Variants in RASGRP1 observed in about 807,000 individuals in gnomAD.
RASGRP1 encodes the protein RAS guanyl releasing protein 1, also known as RAS guanyl-releasing protein 1.
In RASGRP1, 37 loss-of-function variants were observed where a neutral mutation model predicts 95.1. The observed-to-expected ratio is 0.39, with a 90% CI of 0.30 to 0.51. The LOEUF (loss-of-function observed/expected upper bound fraction) is 0.51. Among genes scored for constraint, RASGRP1 ranks in the 20% least tolerant of loss-of-function variants. RASGRP1 has a pLI of 0.80. For synonymous variants in RASGRP1, 325 were observed against 353.4 expected (o/e 0.92, Z 0.90); for missense variants, 711 against 965.4 (o/e 0.74, Z 3.49).
rs1418457471 is a variant in RASGRP1 at position 38,518,447 on chromosome 15, A to G, written c.390-24T>C. 4 of 1,586,732 alleles carry G rather than the reference A, an allele frequency of 2.5e-6. No homozygotes were observed. The Admixed American group carries it at 5.4e-5, about 21-fold the overall frequency. ...ACCTACAAGGAGGGGGTTAAAAAAC[A>G]CAATCCAAAACTGATACCAAGGACT... On this transcript the variant is annotated intron_variant, in intron 4 of 16. Coordinates refer to ENST00000310803, the MANE Select transcript of RASGRP1 (RefSeq NM_005739.4).
At chr15:38,494,184 G>T in intron 16 of RASGRP1, 198 bp downstream of exon 16, 1 of 708,460 alleles carries the variant, frequency 1.4e-6, no homozygotes, top group Non-Finnish European at 2.3e-6. Context: ...TTGTGAGAAA[G>T]CTGGAATCAA....
chr15:38,510,637 C>G (rs569535150), intron 8 of RASGRP1, among the ~76,000 whole-genome samples: 1 of 152,178 alleles, frequency 6.6e-6, no homozygotes, highest in Non-Finnish European at 1.5e-5. Context: ...CATTTATATC[C>G]TCGGTATATT....
intron 2 of RASGRP1, among the ~76,000 whole-genome samples, chr15:38,537,253 T>C (rs1892689059): frequency 6.6e-6 from 1 of 152,120 alleles, no homozygotes; most frequent in Admixed American, 6.6e-5. Flanking sequence ...ATAAAGAAAA[T>C]ATAATTTATA....
intron 2 of RASGRP1, among the ~76,000 whole-genome samples, chr15:38,527,566 T>C (rs1892269705): frequency 6.6e-6 from 1 of 152,250 alleles, no homozygotes; most frequent in Non-Finnish European, 1.5e-5. Flanking sequence ...TCTTCATTTA[T>C]ACGAACTGAA....
intron 2 of RASGRP1, among the ~76,000 whole-genome samples, chr15:38,542,431 T>G (rs1037304854): frequency 2.0e-5 from 3 of 152,020 alleles, no homozygotes; most frequent in African/African-American, 7.2e-5. Flanking sequence ...GATCCAGGGA[T>G]GGAGCAGAGA....
rs114391708 is a variant in RASGRP1, at chr15:38,539,993, T to A, written c.221-13589A>T. Among the ~76,000 whole-genome samples, 4 of 152,300 alleles carry A rather than the reference T, an allele frequency of 2.6e-5. No homozygotes were observed. In the South Asian group the frequency reaches 8.3e-4, roughly 32 times the overall value. ...GTGCAGTGGTATAATCATGGCTCACTGCACACTTGACTTCCTGGGCTCAAG... is the reference window on the plus strand; with the variant it reads ...GTGCAGTGGTATAATCATGGCTCACAGCACACTTGACTTCCTGGGCTCAAG... On this transcript the variant is annotated intron_variant, in intron 2 of 16. Transcript: ENST00000310803.
chr15:38,560,376 A>G (rs774423777), intron 1 of RASGRP1: 3 of 261,540 alleles, frequency 1.1e-5, no homozygotes, highest in Admixed American at 5.1e-5. Flanking sequence ...AAAATTATTT[A>G]CATTGGTTTC....
chr15:38,555,937 G>A (rs1893538895), intron 2 of RASGRP1, among the ~76,000 whole-genome samples: 3 of 152,078 alleles, frequency 2.0e-5, no homozygotes, highest in Admixed American at 2.0e-4. Flanking sequence ...AAGTTGTCTT[G>A]CATTGAGAGG....
chr15:38,517,042 G>A (rs1403964521), intron 5 of RASGRP1, among the ~76,000 whole-genome samples: 1 of 152,140 alleles, frequency 6.6e-6, no homozygotes, highest in Non-Finnish European at 1.5e-5. Context: ...AAAGACAGCA[G>A]GTTGCCTGTC....
intron 15 of RASGRP1, among the ~76,000 whole-genome samples, chr15:38,495,757 T>C (rs1205009686): frequency 2.0e-5 from 3 of 152,208 alleles, no homozygotes; most frequent in Admixed American, 2.0e-4. Flanking sequence ...TAAATTGTTA[T>C]GGTCACCCTA....
intron 3 of RASGRP1, among the ~76,000 whole-genome samples, chr15:38,522,041 T>C (rs1029532300): frequency 6.6e-6 from 1 of 152,122 alleles, no homozygotes; most frequent in Admixed American, 6.5e-5. Flanking sequence ...CTTGTAAATA[T>C]AAAAAGTATC....
At chr15:38,546,112 T>C (rs1893093305) in intron 2 of RASGRP1, among the ~76,000 whole-genome samples, 2 of 152,250 alleles carry the variant, frequency 1.3e-5, no homozygotes, top group African/African-American at 2.4e-5. Flanking sequence ...GAAAAAGCCA[T>C]ACACTAACAC....
intron 8 of RASGRP1, 75 bp downstream of exon 8, chr15:38,511,529 G>T: frequency 8.6e-7 from 1 of 1,162,894 alleles, no homozygotes. Context: ...TCTCTGGGCT[G>T]CCCACCAAGG....
At chr15:38,530,487 A>T (rs1188873261) in intron 2 of RASGRP1, among the ~76,000 whole-genome samples, 3 of 152,246 alleles carry the variant, frequency 2.0e-5, no homozygotes, top group Non-Finnish European at 4.4e-5. Context: ...TTTTCAATGC[A>T]GCATTTGACA....
Position 38,507,929 on chromosome 15 carries a change from A to G in RASGRP1, c.1039T>C (p.Cys347Arg). The change falls in exon 9 of 17, where the codon TGC becomes CGC. Residue 347 changes from cysteine to arginine, a missense_variant. Transcript: ENST00000310803. ...AGAATGGGGATCTTGAAGTCGGTGCACTCTCCATAGGCTCGCCGGTAATTG... is the reference window on the plus strand; with the variant it reads ...AGAATGGGGATCTTGAAGTCGGTGCGCTCTCCATAGGCTCGCCGGTAATTG... ...YDNYRRAYGE[C>R]TDFKIPILGV... 1.9e-6 allele frequency: 3 copies of G among 1,612,762 alleles called. No individual in the cohort carries two copies. The highest frequency in any genetic ancestry group is 2.5e-6 in the Non-Finnish European group (3 of 1,179,542).
intron 2 of RASGRP1, among the ~76,000 whole-genome samples, chr15:38,535,654 C>T (rs1055626173): frequency 2.6e-5 from 4 of 152,208 alleles, no homozygotes; most frequent in African/African-American, 7.2e-5. Context: ...TCAACAGAAA[C>T]GCTCCTCCCT....
intron 2 of RASGRP1, among the ~76,000 whole-genome samples, chr15:38,539,462 A>G (rs1228125487): frequency 6.6e-6 from 1 of 152,166 alleles, no homozygotes; most frequent in African/African-American, 2.4e-5. Flanking sequence ...GCTAGGAAGT[A>G]GCAAGAAGGG....
At chr15:38,556,096 C>T (rs144334521) in intron 2 of RASGRP1, among the ~76,000 whole-genome samples, 34 of 152,298 alleles carry the variant, frequency 2.2e-4, no homozygotes, top group African/African-American at 7.2e-4. Flanking sequence ...GTGTGATTCA[C>T]ATATATTTGA....
At chr15:38,503,146 G>C in intron 11 of RASGRP1, 126 bp downstream of exon 11, 2 of 717,364 alleles carry the variant, frequency 2.8e-6, no homozygotes, top group Admixed American at 5.1e-5. Flanking sequence ...CACAGTAAGA[G>C]AAGTAAGTGG....
Sources: allele counts gnomAD v4.1 joint callset (sites outside exome capture counted in the v4.1 genomes callset), GRCh38; gene constraint gnomAD v4.1.1; transcripts MANE v1.5; gene names NCBI Gene and HGNC (gene_info 2026-07-23, HGNC 2026-07-21).